The following NIPBL variants were observed in gnomAD, a reference collection of about 807,000 sequenced individuals.
The protein encoded by NIPBL is NIPBL cohesin loading factor.
In NIPBL, 19 loss-of-function variants were observed where a neutral mutation model predicts 321.8. That is an observed-to-expected ratio of 0.06 (90% CI 0.04 to 0.09). The LOEUF is 0.09. NIPBL is among the 10% of genes least tolerant of loss of function. The pLI, the probability that NIPBL is intolerant of heterozygous loss-of-function variation, is 1.00. For synonymous variants in NIPBL, 1,106 were observed against 1,114.1 expected (o/e 0.99, Z 0.14); for missense variants, 2,210 against 3,327.0 (o/e 0.66, Z 8.26).
At chr5:37,042,460 C>T (rs893410327) in intron 34 of NIPBL, among the ~76,000 whole-genome samples, 3 of 150,888 alleles carry the variant, frequency 2.0e-5, no homozygotes, top group Admixed American at 6.6e-5. Flanking sequence ...AAATCTATGC[C>T]GGTAATCCAT....
chr5:36,964,128 A>G (rs1412322127), intron 6 of NIPBL, among the ~76,000 whole-genome samples: 1 of 152,172 alleles, frequency 6.6e-6, no homozygotes. Flanking sequence ...ATACTCAGGG[A>G]TTAGCCTCAC....
chr5:36,888,504 A>G (rs1214029282), intron 1 of NIPBL, among the ~76,000 whole-genome samples: 1 of 152,114 alleles, frequency 6.6e-6, no homozygotes, highest in African/African-American at 2.4e-5. Context: ...AGGACTTTTG[A>G]ATTGACTTTC....
At chr5:37,013,299 G>C (rs1486458552) in intron 21 of NIPBL, among the ~76,000 whole-genome samples, 1 of 146,492 alleles carries the variant, frequency 6.8e-6, no homozygotes, top group Non-Finnish European at 1.5e-5. Flanking sequence ...GCGGGGGGCT[G>C]ACCCCCCCAC....
chr5:37,008,706 G>T lies in NIPBL; in HGVS notation c.4404G>T (p.Arg1468Ser). Reference sequence around the variant, plus strand: ...TTGCAAGATTACCAACCAGCAAGAGGAGTTTAAGGAACTTCAGGTAATTAA... The same window carrying T: ...TTGCAAGATTACCAACCAGCAAGAGTAGTTTAAGGAACTTCAGGTAATTAA... ...TSLARLPTSKRSLRNFRLNSS... is the reference protein window; with the variant it reads ...TSLARLPTSKSSLRNFRLNSS... Residue 1468 changes from arginine to serine, a missense_variant, in exon 20 of 47, where the codon AGG becomes AGT. By Grantham distance (110) the Arg-to-Ser change is moderately radical. Around this residue, in one of 14 missense-constraint regions of NIPBL, gnomAD observed 381 missense variants for 642.3 expected, o/e 0.59. Transcript: ENST00000282516. 6.3e-7 allele frequency: 1 copy of T among 1,589,746 alleles called. No homozygotes were observed. The highest frequency in any genetic ancestry group is 8.6e-7 in the Non-Finnish European group (1 of 1,158,106).
At chr5:36,949,431 T>C (rs928499812) in intron 1 of NIPBL, among the ~76,000 whole-genome samples, 1 of 151,890 alleles carries the variant, frequency 6.6e-6, no homozygotes, top group Non-Finnish European at 1.5e-5. Flanking sequence ...AAATTATTTA[T>C]CTTCTCTGTA....
At chr5:36,979,231 T>A (rs549719759) in intron 9 of NIPBL, among the ~76,000 whole-genome samples, 14 of 152,084 alleles carry the variant, frequency 9.2e-5, no homozygotes, top group Middle Eastern at 3.4e-3. Context: ...CATGGAATGT[T>A]TTTGATTTGT....
intron 3 of NIPBL, among the ~76,000 whole-genome samples, chr5:36,956,169 T>A (rs940362747): frequency 1.3e-5 from 2 of 151,908 alleles, no homozygotes; most frequent in African/African-American, 4.8e-5. Flanking sequence ...AGGCAGAGGT[T>A]GCAGTGAGCC....
intron 1 of NIPBL, among the ~76,000 whole-genome samples, chr5:36,938,437 T>G (rs1485739592): frequency 6.6e-6 from 1 of 152,140 alleles, no homozygotes. Flanking sequence ...TGTAAGCAAC[T>G]GGTGAATCTG....
chr5:36,970,836 A>G, intron 6 of NIPBL, 40 bp from the exon 7 acceptor site: 1 of 1,530,514 alleles, frequency 6.5e-7, no homozygotes, highest in African/African-American at 1.4e-5. Flanking sequence ...GAATGTTAAG[A>G]ATCTTTTATT....
At chr5:36,910,952 A>G (rs1430001404) in intron 1 of NIPBL, among the ~76,000 whole-genome samples, 2 of 152,136 alleles carry the variant, frequency 1.3e-5, no homozygotes, top group Admixed American at 1.3e-4. Flanking sequence ...CTCTTTTTCT[A>G]ATATCTGTTA....
chr5:37,007,202 A>G (rs1747539606), intron 17 of NIPBL, 121 bp from the exon 18 acceptor site: 6 of 775,798 alleles, frequency 7.7e-6, no homozygotes, highest in African/African-American at 1.8e-5. Flanking sequence ...AAAAAGCTTT[A>G]TCTTCCAGGT....
intron 1 of NIPBL, among the ~76,000 whole-genome samples, chr5:36,918,211 A>C (rs1295353980): frequency 6.6e-6 from 1 of 151,980 alleles, no homozygotes; most frequent in Non-Finnish European, 1.5e-5. Flanking sequence ...GAGCAGTGGT[A>C]TGTAGTTCTC....
At chr5:36,974,399 A>G (rs1315770330) in intron 8 of NIPBL, among the ~76,000 whole-genome samples, 3 of 152,256 alleles carry the variant, frequency 2.0e-5, no homozygotes, top group African/African-American at 7.2e-5. Context: ...AGTGTATATA[A>G]TTTGCCACAT....
At chr5:36,968,460 T>C (rs1742484912) in intron 6 of NIPBL, among the ~76,000 whole-genome samples, 1 of 151,782 alleles carries the variant, frequency 6.6e-6, no homozygotes, top group Non-Finnish European at 1.5e-5. Flanking sequence ...TCCCAGCTAC[T>C]CCGAAGGCTG....
chr5:37,047,798 A>G (rs16903477), intron 38 of NIPBL, among the ~76,000 whole-genome samples: 18,786 of 152,226 alleles, frequency 0.12, 1,262 homozygotes, highest in Admixed American at 0.19. Flanking sequence ...AATACTTGCT[A>G]TCATCAGAGA....
chr5:36,974,878 A>G (rs1036549325), intron 8 of NIPBL, among the ~76,000 whole-genome samples: 2 of 152,218 alleles, frequency 1.3e-5, no homozygotes, highest in Middle Eastern at 3.4e-3. Flanking sequence ...TAAATATTTT[A>G]TAGTTTAGTG....
In NIPBL at chr5:36,995,653, A is replaced by G. The variant is rs1277260908; in HGVS notation, c.3153A>G (p.Leu1051=). The part of the protein sequence containing the change: ...GSIDQSVLKE[L]PPELLAEIES... ...TAGATCAATCAGTGTTAAAAGAATT[A>G]CCCCCTGAACTCCTGGCAGAAATTG... Residue 1051 remains leucine, a synonymous_variant, in exon 11 of 47, where the codon TTA becomes TTG. Transcript: ENST00000282516. 1.9e-6 allele frequency: 3 copies of G among 1,613,180 alleles called. No homozygotes were observed. Among genetic ancestry groups the G allele is most frequent in the Non-Finnish European group, 2.5e-6 (3 of 1,179,330 alleles).
At chr5:36,949,468 G>A (rs180682643) in intron 1 of NIPBL, among the ~76,000 whole-genome samples, 1 of 151,720 alleles carries the variant, frequency 6.6e-6, no homozygotes, top group Admixed American at 6.6e-5. Context: ...AAATAGAACT[G>A]TAATATTAGC....
At chr5:36,968,911 C>T (rs1044017547) in intron 6 of NIPBL, among the ~76,000 whole-genome samples, 1 of 152,098 alleles carries the variant, frequency 6.6e-6, no homozygotes, top group African/African-American at 2.4e-5. Flanking sequence ...TAATTGTCTT[C>T]ATAGAAAATC....
Sources: gnomAD v4.1 joint callset for allele counts (sites outside exome capture counted in the v4.1 genomes callset) on GRCh38, gnomAD v4.1.1 for gene constraint, gnomAD v4.1.1 regional missense constraint, MANE v1.5 for transcripts, NCBI Gene and HGNC (gene_info 2026-07-23, HGNC 2026-07-21) for gene names.